The following ARL6IP6 variants were observed in gnomAD, a reference collection of about 807,000 sequenced individuals.
ARL6IP6 encodes the protein ARF like GTPase 6 interacting protein 6.
A neutral mutation model predicts 21.5 loss-of-function variants in ARL6IP6; 22 were observed. That is an observed-to-expected ratio of 1.02 (90% CI 0.73 to 1.46). The LOEUF is 1.46. Ranked by LOEUF, ARL6IP6 falls within the 40% of genes most tolerant of loss-of-function variation. ARL6IP6 has a pLI of 0.00. For synonymous variants in ARL6IP6, 164 were observed against 125.3 expected, an observed-to-expected ratio of 1.31 and a Z score of -2.06; for missense variants, 388 against 299.8, an observed-to-expected ratio of 1.29 and a Z score of -2.17.
chr2:152,746,168 C>T (rs1701037643), intron 3 of ARL6IP6, among the ~76,000 whole-genome samples: 2 of 152,084 alleles, frequency 1.3e-5, no homozygotes, highest in South Asian at 4.2e-4. Flanking sequence ...CAGACATGCG[C>T]CACCACATCT....
chr2:152,722,671 G>A (rs1699847092), intron 2 of ARL6IP6, among the ~76,000 whole-genome samples: 1 of 152,188 alleles, frequency 6.6e-6, no homozygotes, highest in South Asian at 2.1e-4. Flanking sequence ...GGGAGGCCGA[G>A]GCGGGTGGAT....
At chr2:152,719,461 A>C (rs1699606345) in intron 1 of ARL6IP6, among the ~76,000 whole-genome samples, 3 of 152,222 alleles carry the variant, frequency 2.0e-5, no homozygotes. Flanking sequence ...AGGGACAAAG[A>C]TTTTCATCGC....
In ARL6IP6 at chr2:152,760,959, A is replaced by G. The variant is rs940701328; in HGVS notation, c.*1119A>G. Reference sequence around the variant, plus strand: ...GTAATTAAGCCTTAATTTTTCCCCTATGTTACTAAAGACTTTTAATGTTTA... The same window carrying G: ...GTAATTAAGCCTTAATTTTTCCCCTGTGTTACTAAAGACTTTTAATGTTTA... On this transcript the variant is annotated 3_prime_UTR_variant, in exon 4 of 4. Coordinates refer to ENST00000326446, the MANE Select transcript of ARL6IP6 (RefSeq NM_152522.7). 8.5e-5 allele frequency: 13 copies of G among 152,074 alleles called. No homozygotes were observed. The highest frequency in any genetic ancestry group is 5.2e-4 in the Admixed American group (8 of 15,252). 9.4% of individuals were successfully genotyped at this position (152,074 alleles called of 1,614,324 possible).
At chr2:152,753,755 A>G (rs1005316760) in intron 3 of ARL6IP6, among the ~76,000 whole-genome samples, 13 of 137,172 alleles carry the variant, frequency 9.5e-5, no homozygotes, top group Non-Finnish European at 4.5e-5. Flanking sequence ...GCTGGAGTGC[A>G]GTGGCGCGAT....
At chr2:152,758,093 A>G (rs1447025291) in intron 3 of ARL6IP6, among the ~76,000 whole-genome samples, 1 of 152,206 alleles carries the variant, frequency 6.6e-6, no homozygotes, top group African/African-American at 2.4e-5. Context: ...CCACACAGGT[A>G]TCAACATCTG....
intron 1 of ARL6IP6, among the ~76,000 whole-genome samples, chr2:152,719,294 CTG>C (rs1287167167): frequency 1.3e-5 from 2 of 152,174 alleles, no homozygotes; most frequent in Admixed American, 6.5e-5. Flanking sequence ...TCCTTGAACA[CTG>C]GGGATGAAAT....
intron 3 of ARL6IP6, among the ~76,000 whole-genome samples, chr2:152,736,668 C>G (rs1700565986): frequency 6.6e-6 from 1 of 152,102 alleles, no homozygotes; most frequent in African/African-American, 2.4e-5. Context: ...TACAGTCAGC[C>G]CTCTGTATCC....
chr2:152,717,828 A>C (rs1338832758), upstream of ARL6IP6: 6 of 1,119,518 alleles, frequency 5.4e-6, no homozygotes, highest in Middle Eastern at 4.0e-4. Flanking sequence ...ACGCCCCACA[A>C]ACCTGAGGCC....
intron 3 of ARL6IP6, among the ~76,000 whole-genome samples, chr2:152,753,198 A>G (rs1701419816): frequency 2.0e-5 from 3 of 152,320 alleles, no homozygotes; most frequent in Admixed American, 2.0e-4. Context: ...CTCCATGTAG[A>G]TATGACAGCT....
At chr2:152,751,553 G>A (rs907816033) in intron 3 of ARL6IP6, among the ~76,000 whole-genome samples, 4 of 151,818 alleles carry the variant, frequency 2.6e-5, no homozygotes, top group South Asian at 4.2e-4. Flanking sequence ...TCTCAACCTC[G>A]AATAACCACA....
At chr2:152,740,534 TATAAA>T (rs1386641428) in intron 3 of ARL6IP6, among the ~76,000 whole-genome samples, 30 of 151,842 alleles carry the variant, frequency 2.0e-4, no homozygotes, top group Non-Finnish European at 4.1e-4. Context: ...AAATATAAAA[TATAAA>T]ATATACACAT....
chr2:152,742,315 C>T (rs1298931513), intron 3 of ARL6IP6, among the ~76,000 whole-genome samples: 3 of 152,066 alleles, frequency 2.0e-5, no homozygotes, highest in South Asian at 2.1e-4. Context: ...TGCCTGTAAT[C>T]GCAGCACTTT....
chr2:152,744,520 T>C (rs1054015306), intron 3 of ARL6IP6, among the ~76,000 whole-genome samples: 2 of 152,186 alleles, frequency 1.3e-5, no homozygotes, highest in Non-Finnish European at 2.9e-5. Flanking sequence ...TGTTATATCA[T>C]GATTTCTAGG....
At chr2:152,738,447 A>G (rs1002871483) in intron 3 of ARL6IP6, among the ~76,000 whole-genome samples, 5 of 152,188 alleles carry the variant, frequency 3.3e-5, no homozygotes, top group Non-Finnish European at 7.3e-5. Flanking sequence ...GAGGTTCTCC[A>G]TGAGGGCTCC....
intron 2 of ARL6IP6, among the ~76,000 whole-genome samples, chr2:152,729,241 G>A (rs1049308020): frequency 6.6e-6 from 1 of 151,576 alleles, no homozygotes; most frequent in Non-Finnish European, 1.5e-5. Flanking sequence ...GTGGTGGCAG[G>A]CGCCTGTAAT....
At chr2:152,742,813 T>C (rs1700878922) in intron 3 of ARL6IP6, among the ~76,000 whole-genome samples, 1 of 152,168 alleles carries the variant, frequency 6.6e-6, no homozygotes, top group Admixed American at 6.5e-5. Flanking sequence ...ACCCATCTCG[T>C]AGGTGTTACT....
In ARL6IP6 at chr2:152,730,093, A is replaced by G. The variant is rs184435571; in HGVS notation, c.455-4901A>G. Reference sequence around the variant, plus strand: ...TACTTTTTTTACCCCTATCATTGTGACCTGACTTACCCATGATGCAGCTTC... The same window carrying G: ...TACTTTTTTTACCCCTATCATTGTGGCCTGACTTACCCATGATGCAGCTTC... On this transcript the variant is annotated intron_variant, in intron 2 of 3. Coordinates refer to ENST00000326446, the MANE Select transcript of ARL6IP6 (RefSeq NM_152522.7). Among the ~76,000 whole-genome samples, 202 of 152,332 alleles carry G rather than the reference A, an allele frequency of 1.3e-3. 2 individuals carry two copies. The highest frequency in any genetic ancestry group is 4.6e-3 in the African/African-American group (192 of 41,570).
At chr2:152,734,971 T>C (rs1292549688) in intron 2 of ARL6IP6, 23 bp from the exon 3 acceptor site, 1 of 1,604,610 alleles carries the variant, frequency 6.2e-7, no homozygotes, top group Non-Finnish European at 8.5e-7. Flanking sequence ...AATGTACTTT[T>C]TCCCCTCTCT....
At chr2:152,749,416 G>GT (rs1368879408) in intron 3 of ARL6IP6, among the ~76,000 whole-genome samples, 1 of 151,738 alleles carries the variant, frequency 6.6e-6, no homozygotes, top group Non-Finnish European at 1.5e-5. Flanking sequence ...TACTACTATT[G>GT]TTTGTTTCTT....
Sources: gnomAD v4.1 joint callset for allele counts (sites outside exome capture counted in the v4.1 genomes callset) on GRCh38, gnomAD v4.1.1 for gene constraint, MANE v1.5 for transcripts, NCBI Gene and HGNC (gene_info 2026-07-23, HGNC 2026-07-21) for gene names.